GALNT13: variants seen among roughly 807,000 people sequenced by gnomAD.
The protein encoded by GALNT13 is UDP-GalNAc:polypeptide N-acetylgalactosaminyltransferase 13.
Under a neutral mutation model 64.2 loss-of-function variants are expected in GALNT13, and 28 were observed. That is an observed-to-expected ratio of 0.44 (90% CI 0.32 to 0.60). The LOEUF (loss-of-function observed/expected upper bound fraction) is 0.60. Ranked by LOEUF, GALNT13 falls within the 20% of genes least tolerant of loss-of-function variation. GALNT13 has a pLI of 0.05. For synonymous variants in GALNT13, 214 were observed against 224.6 expected (o/e 0.95, Z 0.42); for missense variants, 577 against 669.8 (o/e 0.86, Z 1.53).
At chr2:153,785,764 C>T in the GALNT13 span, among the ~76,000 whole-genome samples, 2 of 152,028 alleles carry the variant, frequency 1.3e-5, no homozygotes, top group Non-Finnish European at 1.5e-5. Context: ...TGTAGCAGCT[C>T]TGCAACTCCC....
chr2:153,385,025 A>T, the GALNT13 span, among the ~76,000 whole-genome samples: 1 of 151,976 alleles, frequency 6.6e-6, no homozygotes, highest in Non-Finnish European at 1.5e-5. Flanking sequence ...AAAATAATCT[A>T]TTTAAAATTG....
chr2:154,247,272 C>G (rs1007220613), intron 7 of GALNT13, among the ~76,000 whole-genome samples: 1 of 151,958 alleles, frequency 6.6e-6, no homozygotes, highest in Non-Finnish European at 1.5e-5. Flanking sequence ...TTCACCAAGT[C>G]TTATTGATAC....
At chr2:153,118,537 CT>C in the GALNT13 span, among the ~76,000 whole-genome samples, 1 of 152,030 alleles carries the variant, frequency 6.6e-6, no homozygotes, top group African/African-American at 2.4e-5. Context: ...TATTATTAGC[CT>C]TTTTTTTACT....
the GALNT13 span, among the ~76,000 whole-genome samples, chr2:153,462,608 A>C: frequency 6.6e-6 from 1 of 152,108 alleles, no homozygotes; most frequent in Non-Finnish European, 1.5e-5. Flanking sequence ...AAATCTATGC[A>C]ACTGGTGTCA....
chr2:153,396,894 C>A, the GALNT13 span, among the ~76,000 whole-genome samples: 3 of 152,220 alleles, frequency 2.0e-5, no homozygotes, highest in African/African-American at 7.2e-5. Context: ...CACATTCAGG[C>A]AGCCAGGAGA....
the GALNT13 span, among the ~76,000 whole-genome samples, chr2:153,767,031 T>C: frequency 3.3e-5 from 5 of 152,186 alleles, no homozygotes; most frequent in Non-Finnish European, 4.4e-5. Flanking sequence ...GGGATTGGGC[T>C]TCTGGTACAT....
chr2:153,809,522 C>A, the GALNT13 span, among the ~76,000 whole-genome samples: 2 of 152,142 alleles, frequency 1.3e-5, no homozygotes, highest in East Asian at 3.9e-4. Context: ...AACAAAACAA[C>A]TTCCCAAACT....
chr2:154,206,347 A>G (rs540915308), intron 4 of GALNT13, among the ~76,000 whole-genome samples: 129 of 152,056 alleles, frequency 8.5e-4, no homozygotes, highest in Non-Finnish European at 1.2e-3. Context: ...TTGAAATCAT[A>G]TATATATAGA....
chr2:153,591,274 C>G, the GALNT13 span, among the ~76,000 whole-genome samples: 1 of 151,886 alleles, frequency 6.6e-6, no homozygotes, highest in Admixed American at 6.6e-5. Flanking sequence ...TCTAAGAGGA[C>G]AATTACAAAA....
At chr2:153,867,289 A>G (rs76791875), upstream of GALNT13, among the ~76,000 whole-genome samples, 1,289 of 152,232 alleles carry the variant, frequency 8.5e-3, 10 homozygotes, top group Non-Finnish European at 0.015. Context: ...GATCCAGGCT[A>G]TCTAATTACG....
At chr2:154,240,358 T>G (rs1689415724) in intron 4 of GALNT13, among the ~76,000 whole-genome samples, 1 of 152,202 alleles carries the variant, frequency 6.6e-6, no homozygotes, top group Admixed American at 6.5e-5. Context: ...AAAGTAGTAA[T>G]AATGATGGTG....
At chr2:154,055,657 A>G (rs1297945853) in intron 3 of GALNT13, among the ~76,000 whole-genome samples, 1 of 152,090 alleles carries the variant, frequency 6.6e-6, no homozygotes, top group African/African-American at 2.4e-5. Context: ...GTCTGAGTAG[A>G]GCCAAGGAGG....
chr2:153,562,710 G>A, the GALNT13 span, among the ~76,000 whole-genome samples: 1 of 152,006 alleles, frequency 6.6e-6, no homozygotes, highest in South Asian at 2.1e-4. Flanking sequence ...AGTTATTTTG[G>A]TTCAATTCAA....
intron 3 of GALNT13, among the ~76,000 whole-genome samples, chr2:154,028,791 C>T (rs1698148690): frequency 1.3e-5 from 2 of 152,004 alleles, no homozygotes; most frequent in African/African-American, 4.8e-5. Flanking sequence ...GAGACTTAGA[C>T]TTACTTCCAA....
At chr2:153,883,617 ATTGTG>A (rs1686934875) in intron 1 of GALNT13, among the ~76,000 whole-genome samples, 1 of 152,102 alleles carries the variant, frequency 6.6e-6, no homozygotes. Flanking sequence ...AGGTGAACAA[ATTGTG>A]TTGTTTCAAC....
the GALNT13 span, among the ~76,000 whole-genome samples, chr2:153,799,721 T>C: frequency 6.6e-6 from 1 of 152,158 alleles, no homozygotes; most frequent in African/African-American, 2.4e-5. Flanking sequence ...GTTTGGCCTA[T>C]TAAATGTGAG....
At chr2:153,123,978 G>A in the GALNT13 span, among the ~76,000 whole-genome samples, 3 of 152,176 alleles carry the variant, frequency 2.0e-5, no homozygotes, top group Non-Finnish European at 4.4e-5. Flanking sequence ...TCAATGCTAA[G>A]ATGAGGTTAT....
chr2:154,327,700 A>G (rs1694953213), intron 9 of GALNT13, among the ~76,000 whole-genome samples: 1 of 152,148 alleles, frequency 6.6e-6, no homozygotes. Context: ...ACTCTTACAC[A>G]GGAATACTAC....
At chr2:153,239,749 A>G in the GALNT13 span, among the ~76,000 whole-genome samples, 3 of 152,278 alleles carry the variant, frequency 2.0e-5, no homozygotes, top group Non-Finnish European at 2.9e-5. Flanking sequence ...GGATTTTTGC[A>G]TAAGTGTTAA....
Sources: gnomAD v4.1 joint callset for allele counts (sites outside exome capture counted in the v4.1 genomes callset) on GRCh38, gnomAD v4.1.1 for gene constraint, MANE v1.5 for transcripts, NCBI Gene and HGNC (gene_info 2026-07-23, HGNC 2026-07-21) for gene names.